CACNA2D3: variants seen among roughly 807,000 people sequenced by gnomAD.
CACNA2D3 encodes calcium voltage-gated channel auxiliary subunit alpha2delta 3, also known as voltage-dependent calcium channel subunit alpha-2/delta-3.
In CACNA2D3, 60 loss-of-function variants were observed where a neutral mutation model predicts 160.6. The ratio of observed to expected loss-of-function variants is 0.37; its 90% CI spans 0.30 to 0.46. The LOEUF (loss-of-function observed/expected upper bound fraction) is 0.46. CACNA2D3 is among the 20% of genes least tolerant of loss of function. The probability of loss-of-function intolerance (pLI) is 1.00; values close to 1 mark genes in which losing one functional copy is unlikely to be tolerated. For synonymous variants in CACNA2D3, 558 were observed against 492.9 expected, an observed-to-expected ratio of 1.13 and a Z score of -1.75; for missense variants, 1,205 against 1,365.0, an observed-to-expected ratio of 0.88 and a Z score of 1.85.
intron 2 of CACNA2D3, among the ~76,000 whole-genome samples, chr3:54,200,916 A>G (rs1333628916): frequency 6.6e-6 from 1 of 152,188 alleles, no homozygotes; most frequent in Admixed American, 6.5e-5. Flanking sequence ...TTATGGTTCA[A>G]AATTGTTATT....
intron 27 of CACNA2D3, among the ~76,000 whole-genome samples, chr3:54,909,677 A>G (rs1700517622): frequency 7.7e-6 from 1 of 130,226 alleles, no homozygotes; most frequent in Admixed American, 8.4e-5. Flanking sequence ...CTCATCAGCT[A>G]TCATTAGTGT....
chr3:54,770,051 C>T (rs1368662244), intron 13 of CACNA2D3, among the ~76,000 whole-genome samples: 1 of 152,126 alleles, frequency 6.6e-6, no homozygotes, highest in Non-Finnish European at 1.5e-5. Flanking sequence ...CGGTAGCAGC[C>T]CCCTTCACCC....
intron 2 of CACNA2D3, among the ~76,000 whole-genome samples, chr3:54,308,704 A>G (rs775700883): frequency 6.6e-6 from 1 of 152,176 alleles, no homozygotes; most frequent in South Asian, 2.1e-4. Flanking sequence ...TGATCTCTCT[A>G]TACCTTAGTT....
chr3:54,475,066 G>A (rs889431715), intron 4 of CACNA2D3, among the ~76,000 whole-genome samples: 5 of 152,304 alleles, frequency 3.3e-5, no homozygotes, highest in African/African-American at 9.6e-5. Context: ...TGAAATCTAA[G>A]TAAGAGATTA....
intron 9 of CACNA2D3, among the ~76,000 whole-genome samples, chr3:54,608,809 G>A (rs142244959): frequency 1.6e-4 from 24 of 152,338 alleles, no homozygotes; most frequent in Non-Finnish European, 2.9e-4. Context: ...TGTATAACTA[G>A]GGACCTTCTT....
chr3:54,851,549 T>C (rs889719933), intron 17 of CACNA2D3, among the ~76,000 whole-genome samples: 2 of 152,058 alleles, frequency 1.3e-5, no homozygotes, highest in Non-Finnish European at 2.9e-5. Context: ...GGCAGAGTGG[T>C]TGGAGGGTGG....
At chr3:54,741,255 T>G (rs1024026799) in intron 11 of CACNA2D3, among the ~76,000 whole-genome samples, 2 of 152,170 alleles carry the variant, frequency 1.3e-5, no homozygotes, top group African/African-American at 4.8e-5. Flanking sequence ...CTTTCCCTGT[T>G]TCTCTGTTCT....
intron 31 of CACNA2D3, among the ~76,000 whole-genome samples, chr3:54,997,360 A>G (rs529227101): frequency 6.6e-6 from 1 of 152,170 alleles, no homozygotes; most frequent in East Asian, 1.9e-4. Context: ...CCCCAGACTA[A>G]TGAAATATTG....
chr3:54,837,288 C>T lies in CACNA2D3; in HGVS notation c.1470+58C>T, dbSNP rs149478291. 2.4e-5 allele frequency: 32 copies of T among 1,327,076 alleles called. No individual in the cohort carries two copies. In the African/African-American group the frequency reaches 4.0e-4, roughly 17 times the overall value. The allele number at this position is 1,327,076 out of a possible 1,614,324, so 82.2% of individuals were successfully genotyped here. On this transcript the variant is annotated intron_variant, in intron 15 of 37. Coordinates refer to ENST00000474759, the MANE Select transcript of CACNA2D3 (RefSeq NM_018398.3). ...CTAGGAGGGTGGTTTTCTCAGACCC[C>T]CTCTGACTCCAGCTCTGGTGACTTT...
At chr3:54,760,775 A>T (rs1702067199) in intron 12 of CACNA2D3, among the ~76,000 whole-genome samples, 1 of 151,900 alleles carries the variant, frequency 6.6e-6, no homozygotes, top group African/African-American at 2.4e-5. Flanking sequence ...ATGGAGGATA[A>T]TTATGTTTTG....
chr3:54,380,637 C>T (rs975330679), intron 3 of CACNA2D3, among the ~76,000 whole-genome samples: 4 of 152,130 alleles, frequency 2.6e-5, no homozygotes. Flanking sequence ...ACTCGGGAGG[C>T]CGAGGCAGGA....
At chr3:55,024,517 A>C (rs1013829594) in intron 35 of CACNA2D3, among the ~76,000 whole-genome samples, 1 of 152,100 alleles carries the variant, frequency 6.6e-6, no homozygotes, top group Non-Finnish European at 1.5e-5. Context: ...CCCTTATAAA[A>C]TAAGTTTGAG....
intron 9 of CACNA2D3, among the ~76,000 whole-genome samples, chr3:54,611,067 G>A (rs1175680114): frequency 6.6e-6 from 1 of 152,224 alleles, no homozygotes; most frequent in Non-Finnish European, 1.5e-5. Context: ...GTGTCAGTGA[G>A]TGCTGTATCT....
At chr3:54,735,630 ATAATC>A (rs1369403390) in intron 11 of CACNA2D3, among the ~76,000 whole-genome samples, 1 of 152,074 alleles carries the variant, frequency 6.6e-6, no homozygotes, top group African/African-American at 2.4e-5. Context: ...CATCACCTCT[ATAATC>A]TATGCTTCTA....
At chr3:54,579,248 A>G (rs1157454666) in intron 8 of CACNA2D3, among the ~76,000 whole-genome samples, 2 of 152,164 alleles carry the variant, frequency 1.3e-5, no homozygotes, top group East Asian at 3.9e-4. Context: ...GCATCTGATA[A>G]TGTCATGTAA....
intron 16 of CACNA2D3, among the ~76,000 whole-genome samples, chr3:54,844,537 T>G (rs980717047): frequency 1.3e-5 from 2 of 152,206 alleles, no homozygotes; most frequent in Non-Finnish European, 2.9e-5. Context: ...GTTTCCCTAC[T>G]TCCACCTTTT....
chr3:54,686,149 TC>T (rs1700445504), intron 11 of CACNA2D3, among the ~76,000 whole-genome samples: 1 of 152,242 alleles, frequency 6.6e-6, no homozygotes, highest in Non-Finnish European at 1.5e-5. Context: ...GTGGGCCAAG[TC>T]TGGCCTGCTG....
intron 35 of CACNA2D3, among the ~76,000 whole-genome samples, chr3:55,036,791 A>G (rs6784966): frequency 0.15 from 22,180 of 152,254 alleles, 1,906 homozygotes; most frequent in Non-Finnish European, 0.21. Flanking sequence ...GACAGTCACT[A>G]TGAGCAAAGG....
At chr3:54,323,918 C>T (rs906090325) in intron 3 of CACNA2D3, among the ~76,000 whole-genome samples, 16 of 152,148 alleles carry the variant, frequency 1.1e-4, no homozygotes, top group Admixed American at 3.9e-4. Context: ...AGGTGCCCTA[C>T]CTTGTGTTTT....
Sources: gnomAD v4.1 joint callset for allele counts (sites outside exome capture counted in the v4.1 genomes callset) on GRCh38, gnomAD v4.1.1 for gene constraint, MANE v1.5 for transcripts, NCBI Gene and HGNC (gene_info 2026-07-23, HGNC 2026-07-21) for gene names.